The following RBPJ variants were observed in gnomAD, a reference collection of about 807,000 sequenced individuals.
RBPJ encodes the protein recombining binding protein suppressor of hairless.
In RBPJ, 9 loss-of-function variants were observed where a neutral mutation model predicts 67.8. The observed-to-expected ratio is 0.13, with a 90% CI of 0.08 to 0.23. RBPJ has a LOEUF of 0.23. Ranked by LOEUF, RBPJ falls within the 10% of genes least tolerant of loss-of-function variation. The pLI, the probability that RBPJ is intolerant of heterozygous loss-of-function variation, is 1.00. For missense variants in RBPJ, 305 were observed against 595.6 expected (o/e 0.51, Z 5.08); for synonymous variants, 198 against 203.3 (o/e 0.97, Z 0.22).
chr4:26,367,238 T>G (rs1728729780), intron 1 of RBPJ, among the ~76,000 whole-genome samples: 1 of 152,038 alleles, frequency 6.6e-6, no homozygotes, highest in South Asian at 2.1e-4. Flanking sequence ...ATCCCAGCAC[T>G]TTGGGAAGCC....
At chr4:26,414,135 A>G (rs1318165097) in intron 3 of RBPJ, among the ~76,000 whole-genome samples, 3 of 152,148 alleles carry the variant, frequency 2.0e-5, no homozygotes, top group Non-Finnish European at 4.4e-5. Context: ...AAGAAAGAAG[A>G]GAAGGAAACT....
chr4:26,403,728 T>C (rs1316440514), intron 2 of RBPJ, among the ~76,000 whole-genome samples: 1 of 152,242 alleles, frequency 6.6e-6, no homozygotes, highest in East Asian at 1.9e-4. Flanking sequence ...TTTTTTTTAA[T>C]GGCTGCATAA....
At chr4:26,242,446 C>CA (rs111654269) in intron 1 of RBPJ, among the ~76,000 whole-genome samples, 7,782 of 111,900 alleles carry the variant, frequency 0.07, 366 homozygotes, top group East Asian at 0.28. Flanking sequence ...GACTCTGTCT[C>CA]AAAAAAAAAA....
intron 2 of RBPJ, among the ~76,000 whole-genome samples, chr4:26,394,025 CA>C (rs1173139392): frequency 1.0e-4 from 13 of 126,114 alleles, no homozygotes; most frequent in South Asian, 2.6e-4. Flanking sequence ...ACTATGGATT[CA>C]TTTTTTTTTT....
At chr4:26,289,830 A>G (rs1440896925) in intron 1 of RBPJ, among the ~76,000 whole-genome samples, 1 of 150,668 alleles carries the variant, frequency 6.6e-6, no homozygotes, top group Non-Finnish European at 1.5e-5. Flanking sequence ...ATATACAGGA[A>G]TTGAAGGTTG....
chr4:26,245,203 A>ATTTTTTTTT (rs869234645), intron 1 of RBPJ, among the ~76,000 whole-genome samples: 8 of 98,402 alleles, frequency 8.1e-5, no homozygotes, highest in African/African-American at 1.2e-4. Flanking sequence ...TCACTATTGT[A>ATTTTTTTTT]TTTTTTTTTT....
At chr4:26,208,902 G>T (rs1409258722) in intron 1 of RBPJ, among the ~76,000 whole-genome samples, 2 of 152,122 alleles carry the variant, frequency 1.3e-5, no homozygotes, top group African/African-American at 4.8e-5. Context: ...GCAGGGATAA[G>T]ATAGTAGATA....
chr4:26,355,951 T>C (rs1196893310), intron 1 of RBPJ, among the ~76,000 whole-genome samples: 1 of 152,236 alleles, frequency 6.6e-6, no homozygotes, highest in Non-Finnish European at 1.5e-5. Context: ...TTTTTAACTA[T>C]GTTAGAGGAA....
intron 2 of RBPJ, among the ~76,000 whole-genome samples, chr4:26,389,656 A>C (rs1352057617): frequency 2.0e-5 from 3 of 151,522 alleles, no homozygotes. Context: ...TTTGAAGGAT[A>C]ATAAGTGAAT....
chr4:26,281,401 C>T (rs1414837254), intron 1 of RBPJ, among the ~76,000 whole-genome samples: 2 of 152,086 alleles, frequency 1.3e-5, no homozygotes, highest in Non-Finnish European at 2.9e-5. Flanking sequence ...GCCTCAGCCT[C>T]CCTAGTAGCT....
intron 1 of RBPJ, among the ~76,000 whole-genome samples, chr4:26,273,248 G>A (rs1449786678): frequency 6.6e-6 from 1 of 152,000 alleles, no homozygotes; most frequent in African/African-American, 2.4e-5. Flanking sequence ...CCTTTTTCTT[G>A]GGTAAAACTT....
upstream of RBPJ, among the ~76,000 whole-genome samples, chr4:26,159,607 C>G (rs1287320042): frequency 4.6e-5 from 7 of 152,136 alleles, no homozygotes; most frequent in African/African-American, 1.4e-4. Context: ...AACTGTTTAC[C>G]TTGTGCAGGA....
At position 26,431,013 on chromosome 4, in the gene RBPJ, G is replaced by A. The variant is rs372595077; in HGVS notation, c.*6G>A. ...CAGCCACAGTGGTATCCTAACTACC[G>A]TCTTTTTGCTAGGACTTAAACTGAC... On this transcript the variant is annotated 3_prime_UTR_variant, in exon 11 of 11. Coordinates refer to ENST00000355476, the MANE Select transcript of RBPJ (RefSeq NM_015874.6). 1.4e-5 allele frequency: 23 copies of A among 1,609,702 alleles called. No homozygotes were observed. The highest frequency in any genetic ancestry group is 1.3e-4 in the Admixed American group (8 of 59,916).
At chr4:26,320,988 A>G (rs556649332), upstream of RBPJ, 6 of 1,612,134 alleles carry the variant, frequency 3.7e-6, no homozygotes, top group African/African-American at 4.0e-5. Flanking sequence ...CGTCGGGGGG[A>G]ATCTCGCGAG....
intron 1 of RBPJ, among the ~76,000 whole-genome samples, chr4:26,215,485 A>G (rs1248397399): frequency 6.6e-6 from 1 of 152,106 alleles, no homozygotes; most frequent in Non-Finnish European, 1.5e-5. Flanking sequence ...AACAAATTTC[A>G]GGGAGAAAAT....
intron 1 of RBPJ, among the ~76,000 whole-genome samples, chr4:26,281,327 G>A (rs1721266443): frequency 6.6e-6 from 1 of 152,030 alleles, no homozygotes; most frequent in Non-Finnish European, 1.5e-5. Context: ...TGCCCAGGCT[G>A]GAGTGCAATG....
At chr4:26,172,276 G>A (rs546490931) in intron 1 of RBPJ, among the ~76,000 whole-genome samples, 7 of 152,166 alleles carry the variant, frequency 4.6e-5, no homozygotes, top group South Asian at 2.1e-4. Context: ...TGCAGCTGCC[G>A]TGGGCTGTGT....
Position 26,276,857 on chromosome 4 carries a change from G to T in RBPJ, c.-166-85589G>T, listed in dbSNP as rs140385437. ...TGTCTGTTTCCTTTGTAGCAAGGGC[G>T]GAGTCAAAAACTGCCTTTCTTCTTC... is the stretch of plus-strand genomic sequence containing the variant. On this transcript the variant is annotated intron_variant, in intron 1 of 4. Coordinates refer to the RBPJ transcript ENST00000512351. Among the ~76,000 whole-genome samples, 1,202 of 152,210 alleles carry T rather than the reference G, an allele frequency of 7.9e-3. 64 individuals carry two copies. The highest frequency in any genetic ancestry group is 0.072 in the Admixed American group (1,106 of 15,282).
chr4:26,177,621 AAAG>A (rs1428160588), intron 1 of RBPJ, among the ~76,000 whole-genome samples: 1 of 152,048 alleles, frequency 6.6e-6, no homozygotes, highest in Non-Finnish European at 1.5e-5. Flanking sequence ...GGAAAGAAAA[AAAG>A]AAAAGGAGAA....
Sources: allele counts gnomAD v4.1 joint callset (sites outside exome capture counted in the v4.1 genomes callset), GRCh38; gene constraint gnomAD v4.1.1; transcripts MANE v1.5; gene names NCBI Gene and HGNC (gene_info 2026-07-23, HGNC 2026-07-21).